Variants in RBFOX1 observed in about 807,000 individuals in gnomAD.
RBFOX1 encodes RNA binding fox-1 homolog 1.
In RBFOX1, 8 loss-of-function variants were observed where a neutral mutation model predicts 57.7. The ratio of observed to expected loss-of-function variants is 0.14; its 90% CI spans 0.08 to 0.25. The LOEUF (loss-of-function observed/expected upper bound fraction) is 0.25. Ranked by LOEUF, RBFOX1 falls within the 10% of genes least tolerant of loss-of-function variation. RBFOX1 has a pLI of 1.00. For missense variants in RBFOX1, 611 were observed against 548.5 expected, an observed-to-expected ratio of 1.11 and a Z score of -1.14; for synonymous variants, 326 against 222.4, an observed-to-expected ratio of 1.47 and a Z score of -4.15.
intron 3 of RBFOX1, among the ~76,000 whole-genome samples, chr16:5,807,777 G>C (rs1421163791): frequency 6.6e-6 from 1 of 152,126 alleles, no homozygotes; most frequent in East Asian, 1.9e-4. Context: ...GCAGGCTCTT[G>C]TTTACTTGGC....
At chr16:7,200,932 G>T (rs1184022639) in intron 4 of RBFOX1, among the ~76,000 whole-genome samples, 1 of 152,158 alleles carries the variant, frequency 6.6e-6, no homozygotes, top group Non-Finnish European at 1.5e-5. Flanking sequence ...AATGAGGCAA[G>T]AAGGTTTAAG....
chr16:7,605,126 G>A (rs1384858396), intron 9 of RBFOX1, among the ~76,000 whole-genome samples: 1 of 152,166 alleles, frequency 6.6e-6, no homozygotes, highest in African/African-American at 2.4e-5. Context: ...AAGTTGAAAT[G>A]TAGATATTAA....
intron 2 of RBFOX1, among the ~76,000 whole-genome samples, chr16:5,539,307 A>T (rs1387813630): frequency 6.6e-6 from 1 of 152,168 alleles, no homozygotes; most frequent in East Asian, 1.9e-4. Context: ...CAAGGGAGTG[A>T]TGGGGCCAGC....
intron 3 of RBFOX1, among the ~76,000 whole-genome samples, chr16:5,628,080 G>C (rs953957894): frequency 6.6e-6 from 1 of 152,190 alleles, no homozygotes; most frequent in Non-Finnish European, 1.5e-5. Context: ...GTGATGGTCT[G>C]TCTCTGCCCA....
chr16:5,709,835 ATATATATATTTTTTTTTTTTTT>A (rs2051406654), intron 3 of RBFOX1, among the ~76,000 whole-genome samples: 2 of 6,218 alleles, frequency 3.2e-4, no homozygotes, highest in Non-Finnish European at 7.9e-4. Context: ...ATATATATAT[ATATATATATTTTTTTTTTTTTT>A]TTTTTTTTTT....
At chr16:5,452,930 C>T (rs1473447910) in intron 1 of RBFOX1, among the ~76,000 whole-genome samples, 6 of 152,154 alleles carry the variant, frequency 3.9e-5, no homozygotes, top group African/African-American at 9.7e-5. Context: ...CCACGCTCTG[C>T]GAAACCTTGA....
intron 9 of RBFOX1, among the ~76,000 whole-genome samples, chr16:7,605,506 A>C (rs1175651799): frequency 6.6e-6 from 1 of 152,194 alleles, no homozygotes; most frequent in African/African-American, 2.4e-5. Flanking sequence ...TTCAGGTTGG[A>C]ACTGAAAGTT....
At chr16:6,945,072 A>C (rs73543288) in intron 3 of RBFOX1, among the ~76,000 whole-genome samples, 10,847 of 152,150 alleles carry the variant, frequency 0.071, 442 homozygotes, top group South Asian at 0.089. Flanking sequence ...AGGGTTTGTG[A>C]AGACAGAGCA....
intron 4 of RBFOX1, among the ~76,000 whole-genome samples, chr16:7,479,089 T>G (rs2151156704): frequency 6.7e-6 from 1 of 149,228 alleles, no homozygotes; most frequent in Middle Eastern, 3.5e-3. Context: ...CAGGTTGTGG[T>G]GGGAAGTGGA....
intron 2 of RBFOX1, among the ~76,000 whole-genome samples, chr16:6,639,127 A>C (rs547386677): frequency 1.3e-5 from 2 of 152,170 alleles, no homozygotes; most frequent in Non-Finnish European, 2.9e-5. Flanking sequence ...CTGGATACTC[A>C]ATAGGATGCA....
chr16:6,816,422 ATT>A lies in RBFOX1; in HGVS notation c.-16+161789_-16+161790del, dbSNP rs34666559. Among the ~76,000 whole-genome samples the A allele has an allele frequency of 9.6e-4, 135 of 140,642 alleles. 3 individuals carry two copies. In the South Asian group the frequency reaches 0.012, roughly 13 times the overall value. 92.3% of individuals were successfully genotyped at this position (140,642 alleles called of 152,430 possible). A position where few individuals can be genotyped will look rare whatever the true frequency, so the allele number is the denominator to read the frequency against. On this transcript the variant is annotated intron_variant, in intron 3 of 15. Coordinates refer to ENST00000550418, the MANE Select transcript of RBFOX1 (RefSeq NM_018723.4). ...GTTGCCAGACTGGCCCCTTCATGTA[ATT>A]TTTTTTTTTTTTTTTTAAAGAAACA... is the stretch of plus-strand genomic sequence containing the variant.
chr16:6,842,631 TG>T (rs1026956982), intron 3 of RBFOX1, among the ~76,000 whole-genome samples: 15 of 107,604 alleles, frequency 1.4e-4, no homozygotes, highest in African/African-American at 6.3e-4. Flanking sequence ...ACATTTAGAC[TG>T]TTTTTTTTAA....
rs1555545321 is a variant in RBFOX1 at position 6,193,375 on chromosome 16, T to TATATATATACTATATATATATAC, written c.-126-123619_-126-123618insTATATATACTATATATATATACA. ...TATACATTATATATATATATATATA[T>TATATATATACTATATATATATAC]ACATTATATATATATACTATATATA... On this transcript the variant is annotated intron_variant, in intron 1 of 15. Coordinates refer to ENST00000550418, the MANE Select transcript of RBFOX1 (RefSeq NM_018723.4). 9.3e-5 allele frequency among the ~76,000 whole-genome samples: 6 copies of TATATATATACTATATATATATAC among 64,862 alleles called. 1 individual carries two copies. The highest frequency in any genetic ancestry group is 2.6e-4 in the African/African-American group (6 of 22,818). The allele number at this position is 64,862 out of a possible 152,430, so 42.6% of individuals were successfully genotyped here. A position where few individuals can be genotyped will look rare whatever the true frequency, so the allele number is the denominator to read the frequency against.
At chr16:6,904,723 A>G (rs1381806646) in intron 3 of RBFOX1, among the ~76,000 whole-genome samples, 1 of 150,810 alleles carries the variant, frequency 6.6e-6, no homozygotes, top group Non-Finnish European at 1.5e-5. Context: ...GGTTTTCTCT[A>G]CTCACAGGGA....
At chr16:5,652,132 TA>T (rs1439013831) in intron 3 of RBFOX1, among the ~76,000 whole-genome samples, 2 of 152,010 alleles carry the variant, frequency 1.3e-5, no homozygotes, top group Admixed American at 6.6e-5. Flanking sequence ...AGACTCCATC[TA>T]AAAAAAATTA....
chr16:6,835,745 C>T (rs535260223), intron 3 of RBFOX1, among the ~76,000 whole-genome samples: 43 of 104,386 alleles, frequency 4.1e-4, no homozygotes, highest in African/African-American at 1.7e-3. Flanking sequence ...TAGAGTAAGA[C>T]TCTGCTTAAA....
chr16:5,590,610 C>T (rs866291529), intron 2 of RBFOX1, among the ~76,000 whole-genome samples: 1 of 152,074 alleles, frequency 6.6e-6, no homozygotes, highest in African/African-American at 2.4e-5. Context: ...GACTGTCTGC[C>T]AAAGATTCAA....
intron 1 of RBFOX1, among the ~76,000 whole-genome samples, chr16:5,444,565 A>G (rs1005436262): frequency 6.6e-6 from 1 of 152,082 alleles, no homozygotes; most frequent in Non-Finnish European, 1.5e-5. Context: ...CCCGGGGAGG[A>G]GAATGGTACC....
chr16:6,147,647 A>G (rs1036470889), intron 1 of RBFOX1, among the ~76,000 whole-genome samples: 3 of 152,194 alleles, frequency 2.0e-5, no homozygotes, highest in African/African-American at 7.2e-5. Context: ...TTGGGGAAAA[A>G]AAGAAAAAAA....
Sources: allele counts gnomAD v4.1 joint callset (sites outside exome capture counted in the v4.1 genomes callset), GRCh38; gene constraint gnomAD v4.1.1; transcripts MANE v1.5; gene names NCBI Gene and HGNC (gene_info 2026-07-23, HGNC 2026-07-21).